The following DDC variants were observed in gnomAD, a reference collection of about 807,000 sequenced individuals.
DDC encodes aromatic-L-amino-acid decarboxylase.
In DDC, 43 loss-of-function variants were observed where a neutral mutation model predicts 60.0. The ratio of observed to expected loss-of-function variants is 0.72; its 90% CI spans 0.56 to 0.92. DDC has a LOEUF of 0.92. Among genes scored for constraint, DDC ranks in the 40% least tolerant of loss-of-function variants. The pLI is 0.00. For missense variants in DDC, 573 were observed against 620.2 expected (o/e 0.92, Z 0.81); for synonymous variants, 232 against 234.6 (o/e 0.99, Z 0.10).
At chr7:50,564,788 A>G (rs1473876062) in intron 1 of DDC, among the ~76,000 whole-genome samples, 1 of 152,220 alleles carries the variant, frequency 6.6e-6, no homozygotes, top group African/African-American at 2.4e-5. Context: ...TAAGTAAACT[A>G]TAACATACAC....
intron 14 of DDC, among the ~76,000 whole-genome samples, chr7:50,459,929 T>G (rs1585123330): frequency 1.7e-5 from 2 of 115,122 alleles, no homozygotes; most frequent in African/African-American, 3.7e-5. Flanking sequence ...AGGAGGGAGG[T>G]GGGGGGGTCA....
In DDC at chr7:50,461,039, T is replaced by G. The variant is rs561286613; in HGVS notation, c.*18+2174A>C. On this transcript the variant is annotated intron_variant, in intron 14 of 14. Coordinates refer to ENST00000444124, the MANE Select transcript of DDC (RefSeq NM_001082971.2). ...CCCCTCTGTGAGAAACACCCAAGAATGATCAATAAAAAAAAAAATAAATAA... is the reference window on the plus strand; with the variant it reads ...CCCCTCTGTGAGAAACACCCAAGAAGGATCAATAAAAAAAAAAATAAATAA... Among the ~76,000 whole-genome samples, 31 of 143,552 alleles carry G rather than the reference T, an allele frequency of 2.2e-4. No individual in the cohort carries two copies. In the South Asian group the frequency reaches 6.7e-3, roughly 31 times the overall value. 94.2% of individuals were successfully genotyped at this position (143,552 alleles called of 152,430 possible).
At chr7:50,513,112 T>C (rs1388785403) in intron 6 of DDC, among the ~76,000 whole-genome samples, 1 of 151,904 alleles carries the variant, frequency 6.6e-6, no homozygotes. Context: ...GTGAAGGAAG[T>C]GAAATGCTCC....
rs1216896870 is a variant in DDC at position 50,458,679 on chromosome 7, T to C, written c.*183A>G. Reference sequence around the variant, plus strand: ...GATTAACTTTTTAATTAGCAAATAATATTTCTTTGTTGATGAGATACTAAG... The same window carrying C: ...GATTAACTTTTTAATTAGCAAATAACATTTCTTTGTTGATGAGATACTAAG... On this transcript the variant is annotated 3_prime_UTR_variant, in exon 15 of 15. Transcript: ENST00000444124. 6.6e-6 allele frequency: 1 copy of C among 152,144 alleles called. No individual in the cohort carries two copies. 9.4% of individuals were successfully genotyped at this position (152,144 alleles called of 1,614,324 possible). A position where few individuals can be genotyped will look rare whatever the true frequency, so the allele number is the denominator to read the frequency against.
intron 11 of DDC, among the ~76,000 whole-genome samples, chr7:50,472,374 C>T (rs2042553047): frequency 6.6e-6 from 1 of 152,212 alleles, no homozygotes; most frequent in African/African-American, 2.4e-5. Context: ...ATGTAGAAGT[C>T]AATTCATATT....
chr7:50,563,687 C>T (rs2045384355), intron 1 of DDC, among the ~76,000 whole-genome samples: 1 of 152,130 alleles, frequency 6.6e-6, no homozygotes, highest in Admixed American at 6.5e-5. Context: ...CCGCAACCTC[C>T]GCCTCCCACG....
At chr7:50,507,591 A>G in intron 6 of DDC, among the ~76,000 whole-genome samples, 2 of 152,176 alleles carry the variant, frequency 1.3e-5, no homozygotes, top group Non-Finnish European at 2.9e-5. Context: ...TTTTCTCTCT[A>G]TTAATGTGTG....
At chr7:50,479,714 C>G in intron 10 of DDC, 73 bp downstream of exon 10, 2 of 1,317,382 alleles carry the variant, frequency 1.5e-6, no homozygotes, top group Non-Finnish European at 2.2e-6. Context: ...CCCCTAACTC[C>G]CAGGGACCTC....
At chr7:50,475,329 A>G (rs2042617492) in intron 11 of DDC, among the ~76,000 whole-genome samples, 1 of 152,204 alleles carries the variant, frequency 6.6e-6, no homozygotes, top group African/African-American at 2.4e-5. Context: ...TGACAATGGG[A>G]TTATATGAAA....
chr7:50,508,917 G>A (rs748511924), intron 6 of DDC, among the ~76,000 whole-genome samples: 2 of 152,044 alleles, frequency 1.3e-5, no homozygotes, highest in Non-Finnish European at 2.9e-5. Flanking sequence ...ATCTCTGTAC[G>A]CTGCAGCCCT....
chr7:50,550,047 A>G (rs1031179814), intron 1 of DDC, among the ~76,000 whole-genome samples: 2 of 152,240 alleles, frequency 1.3e-5, no homozygotes, highest in Non-Finnish European at 2.9e-5. Context: ...TTCTGAAAGA[A>G]GTTCTACTGG....
intron 14 of DDC, among the ~76,000 whole-genome samples, chr7:50,459,249 T>A (rs1445511991): frequency 6.6e-6 from 1 of 152,220 alleles, no homozygotes; most frequent in African/African-American, 2.4e-5. Context: ...GGAGTCTGGT[T>A]CACTCAGTGC....
intron 1 of DDC, among the ~76,000 whole-genome samples, chr7:50,563,411 A>T (rs1245537168): frequency 1.3e-5 from 2 of 152,072 alleles, no homozygotes; most frequent in Non-Finnish European, 2.9e-5. Flanking sequence ...TGTCTTTGAA[A>T]TTTTCTAAAT....
chr7:50,481,374 G>C (rs977108651), intron 9 of DDC, among the ~76,000 whole-genome samples: 1 of 152,108 alleles, frequency 6.6e-6, no homozygotes, highest in South Asian at 2.1e-4. Context: ...TGTGGGGGGA[G>C]GTCCTTTGGG....
At chr7:50,539,741 T>C in intron 3 of DDC, 174 bp downstream of exon 3, 1 of 623,844 alleles carries the variant, frequency 1.6e-6, no homozygotes, top group East Asian at 2.9e-5. Flanking sequence ...CAATCGCTAC[T>C]TTCTCAGAGG....
In DDC at chr7:50,543,978, C is replaced by T. The variant is rs760738743; in HGVS notation, c.108G>A (p.Gly36=). 1.2e-6 allele frequency: 2 copies of T among 1,614,188 alleles called. No homozygotes were observed. The highest frequency in any genetic ancestry group is 4.5e-5 in the East Asian group (2 of 44,884). The part of the protein sequence containing the change: ...GRQVYPDVEP[G]YLRPLIPAAA... ...CGGCAGGGATCAGCGGCCGCAGGTACCCGGGCTCCACGTCAGGGTAGACCT... is the reference window on the plus strand; with the variant it reads ...CGGCAGGGATCAGCGGCCGCAGGTATCCGGGCTCCACGTCAGGGTAGACCT... The change falls in exon 2 of 15, where the codon GGG becomes GGA. Residue 36 remains glycine (G), a synonymous_variant. Coordinates refer to ENST00000444124, the MANE Select transcript of DDC (RefSeq NM_001082971.2).
intron 7 of DDC, among the ~76,000 whole-genome samples, chr7:50,499,914 C>T (rs151277301): frequency 3.3e-5 from 5 of 152,310 alleles, no homozygotes; most frequent in Admixed American, 2.0e-4. Flanking sequence ...AGCCAAGGGG[C>T]CCTATCTACT....
rs11309882 is a variant in DDC at position 50,510,980 on chromosome 7, C to CAA, written c.715-6923_715-6922dup. 3.3e-3 allele frequency among the ~76,000 whole-genome samples: 201 copies of CAA among 60,910 alleles called. 8 individuals carry two copies. Among genetic ancestry groups the CAA allele is most frequent in the Non-Finnish European group, 4.0e-3 (144 of 35,632 alleles). 40.0% of individuals were successfully genotyped at this position (60,910 alleles called of 152,430 possible). On this transcript the variant is annotated intron_variant, in intron 6 of 14. Coordinates refer to ENST00000444124, the MANE Select transcript of DDC (RefSeq NM_001082971.2). ...TGGGCGAAAGAGCGAGACTCTGTCT[C>CAA]AAAAAAAAAAAAAAAAAAAAAAACT... is the stretch of plus-strand genomic sequence containing the variant.
chr7:50,510,063 C>G (rs372902505), intron 6 of DDC, among the ~76,000 whole-genome samples: 1 of 152,054 alleles, frequency 6.6e-6, no homozygotes, highest in African/African-American at 2.4e-5. Context: ...CTCCGCCTCC[C>G]GGGGTTCAGG....
Sources: allele counts gnomAD v4.1 joint callset (sites outside exome capture counted in the v4.1 genomes callset), GRCh38; gene constraint gnomAD v4.1.1; transcripts MANE v1.5; gene names NCBI Gene and HGNC (gene_info 2026-07-23, HGNC 2026-07-21).